ZNF429: variants seen among roughly 807,000 people sequenced by gnomAD.
ZNF429 encodes the protein zinc finger protein 429.
ZNF429 carries 53 observed loss-of-function variants against 56.8 expected under a neutral mutation model. That is an observed-to-expected ratio of 0.93 (90% CI 0.75 to 1.17). The LOEUF (loss-of-function observed/expected upper bound fraction) is 1.17. Among genes scored for constraint, ZNF429 ranks in the 50% most tolerant of loss-of-function variants. The pLI is 0.00. For synonymous variants in ZNF429, 278 were observed against 264.7 expected (o/e 1.05, Z -0.49); for missense variants, 849 against 788.4 (o/e 1.08, Z -0.92).
intron 1 of ZNF429, among the ~76,000 whole-genome samples, chr19:21,520,737 C>T (rs1015205454): frequency 6.6e-6 from 1 of 152,106 alleles, no homozygotes; most frequent in African/African-American, 2.4e-5. Flanking sequence ...CTGATATTTG[C>T]AGTCCAAAGT....
At chr19:21,523,280 CAG>C (rs1193567305) in intron 1 of ZNF429, among the ~76,000 whole-genome samples, 4 of 152,160 alleles carry the variant, frequency 2.6e-5, no homozygotes, top group Admixed American at 6.5e-5. Context: ...ATTTGGAAAA[CAG>C]AAAATCTTTT....
chr19:21,535,123 G>A, intron 3 of ZNF429, among the ~76,000 whole-genome samples: 2,425 of 151,048 alleles, frequency 0.016, 74 homozygotes, highest in African/African-American at 0.055. Context: ...CACCGCGCCC[G>A]GCCTTGTTTT....
chr19:21,522,792 A>C (rs2033029512), intron 1 of ZNF429, among the ~76,000 whole-genome samples: 1 of 152,050 alleles, frequency 6.6e-6, no homozygotes, highest in Non-Finnish European at 1.5e-5. Context: ...AGCTACTTGG[A>C]GGCCGAGACA....
rs748519982 is a variant in ZNF429 at position 21,529,776 on chromosome 19, T to C, written c.122T>C (p.Val41Ala). Residue 41 changes from valine (V) to alanine (A), a missense_variant, in exon 2 of 4, where the codon GTC becomes GCC. Physicochemically the swap from Val to Ala is moderately conservative, Grantham distance 64 (BLOSUM62 0). Transcript: ENST00000358491. The part of the protein sequence containing the change: ...NVMLENYRNL[V>A]FLGIAVSKPD... ...ATGTTAGAGAACTACAGAAACTTGG[T>C]CTTCCTGGGTGAGAATAACTTCAAT... The C allele has an allele frequency of 1.3e-6, 2 of 1,579,542 alleles. No homozygotes were observed. Among genetic ancestry groups the C allele is most frequent in the Admixed American group, 1.8e-5 (1 of 56,094 alleles).
rs1295873262 is a variant in ZNF429, at chr19:21,536,727, GTGAGAAACACTACAGA to G, written c.677_692del (p.Glu226ValfsTer75). ...ACTAACCATAAGAGAATTTATGTTG[GTGAGAAACACTACAGA>G]TGTGAAGAATGTGGCAAAGCATTTA... On this transcript the variant is annotated frameshift_variant, in exon 4 of 4. Coordinates refer to ENST00000358491, the MANE Select transcript of ZNF429 (RefSeq NM_001001415.4). LOFTEE classifies it high-confidence loss of function. 4 of 1,613,710 alleles carry G rather than the reference GTGAGAAACACTACAGA, an allele frequency of 2.5e-6. No individual in the cohort carries two copies. In the African/African-American group the frequency reaches 5.3e-5, roughly 22 times the overall value.
In ZNF429 at chr19:21,505,636, T is replaced by G; in HGVS notation, c.-136T>G. 2.3e-6 allele frequency: 2 copies of G among 869,436 alleles called. No homozygotes were observed. The highest frequency in any genetic ancestry group is 1.7e-5 in the African/African-American group (1 of 57,652). 53.9% of individuals were successfully genotyped at this position (869,436 alleles called of 1,614,324 possible). On this transcript the variant is annotated 5_prime_UTR_variant, in exon 1 of 4. Transcript: ENST00000358491. ...GGAATATGGCGGGGCGTTTGGCTCTTGCTGCAGCCAGAGCTCCAGGTCTCG... is the reference window on the plus strand; with the variant it reads ...GGAATATGGCGGGGCGTTTGGCTCTGGCTGCAGCCAGAGCTCCAGGTCTCG...
rs192742257 is a variant in ZNF429 at position 21,537,982 on chromosome 19, T to C, written c.1929T>C (p.His643=). The part of the protein sequence containing the change: ...SSRLTQHKKI[H]RMGVVAHACN... ...GACTTACTCAACATAAGAAAATTCA[T>C]AGGATGGGTGTGGTGGCTCATGCCT... The change falls in exon 4 of 4, where the codon CAT becomes CAC. Residue 643 remains histidine (H), a synonymous_variant. Transcript: ENST00000358491. 386 of 1,613,800 alleles carry C rather than the reference T, an allele frequency of 2.4e-4. 1 individual carries two copies. Among genetic ancestry groups the C allele is most frequent in the Non-Finnish European group, 3.0e-4 (356 of 1,179,980 alleles).
At chr19:21,506,138 G>T in intron 1 of ZNF429, 1 of 165,582 alleles carries the variant, frequency 6.0e-6, no homozygotes, top group Non-Finnish European at 1.3e-5. Context: ...GGTCCGTGGG[G>T]TTCCCAGTTC....
Position 21,537,869 on chromosome 19 carries a change from T to C in ZNF429, c.1816T>C (p.Ser606Pro). ...EECGKAFNRS[S>P]RLTQHKKIHT... ...ATGTGGCAAAGCTTTTAATCGGTCC[T>C]CAAGACTTACTCAACATAAGAAAAT... is the stretch of plus-strand genomic sequence containing the variant. The change falls in exon 4 of 4, where the codon TCA (serine) becomes CCA (proline). Residue 606 changes from serine to proline, a missense_variant. Transcript: ENST00000358491. 2.5e-6 allele frequency: 4 copies of C among 1,614,026 alleles called. No homozygotes were observed. The highest frequency in any genetic ancestry group is 3.4e-6 in the Non-Finnish European group (4 of 1,179,974).
Position 21,537,264 on chromosome 19 carries a change from G to T in ZNF429, c.1211G>T (p.Arg404Ile). ...CCCTACAAATTTGAAAAATGTGGCA[G>T]AGTTTTTACCTGTTCCTCAACACTT... ...EEPYKFEKCG[R>I]VFTCSSTLTQ... is the part of the protein sequence containing the mutation. Residue 404 changes from arginine to isoleucine, a missense_variant, in exon 4 of 4, where the codon AGA becomes ATA. Transcript: ENST00000358491. 6.2e-7 allele frequency: 1 copy of T among 1,610,210 alleles called. No homozygotes were observed. The highest frequency in any genetic ancestry group is 8.5e-7 in the Non-Finnish European group (1 of 1,179,020).
chr19:21,535,157 T>C, intron 3 of ZNF429, among the ~76,000 whole-genome samples: 1 of 142,982 alleles, frequency 7.0e-6, no homozygotes, highest in Non-Finnish European at 1.6e-5. Flanking sequence ...AGTGTATTCA[T>C]GTATCATCCT....
chr19:21,535,410 T>A lies in ZNF429; in HGVS notation c.227-870T>A. On this transcript the variant is annotated intron_variant, in intron 3 of 3. Transcript: ENST00000358491. ...CTTTCTTTCTTTCTTTCTTTCTTTTTCTTTTCTTTCTTTCTTTCTTTCTTT... is the reference window on the plus strand; with the variant it reads ...CTTTCTTTCTTTCTTTCTTTCTTTTACTTTTCTTTCTTTCTTTCTTTCTTT... 1.4e-3 allele frequency among the ~76,000 whole-genome samples: 129 copies of A among 90,870 alleles called. 17 individuals carry two copies. Among genetic ancestry groups the A allele is most frequent in the African/African-American group, 5.5e-3 (91 of 16,496 alleles). 59.6% of individuals were successfully genotyped at this position (90,870 alleles called of 152,430 possible).
At chr19:21,523,409 C>T (rs983024840) in intron 1 of ZNF429, among the ~76,000 whole-genome samples, 39 of 152,172 alleles carry the variant, frequency 2.6e-4, no homozygotes, top group Admixed American at 2.2e-3. Context: ...TTGTCAAACT[C>T]GGAGAGACAT....
At chr19:21,526,355 A>G (rs2173724) in intron 1 of ZNF429, among the ~76,000 whole-genome samples, 28,236 of 151,900 alleles carry the variant, frequency 0.19, 2,639 homozygotes, top group Middle Eastern at 0.22. Flanking sequence ...AAAGTCCCCA[A>G]AGTCCATTGT....
chr19:21,531,440 A>G, intron 3 of ZNF429, among the ~76,000 whole-genome samples: 1 of 152,162 alleles, frequency 6.6e-6, no homozygotes, highest in East Asian at 1.9e-4. Context: ...GCAAAACTGT[A>G]TTGTACCCAT....
rs371349913 is a variant in ZNF429 at position 21,537,297 on chromosome 19, A to C, written c.1244A>C (p.Asp415Ala). 52 of 1,614,134 alleles carry C rather than the reference A, an allele frequency of 3.2e-5. No homozygotes were observed. In the African/African-American group the frequency reaches 6.5e-4, roughly 20 times the overall value. Residue 415 changes from aspartate to alanine, a missense_variant, in exon 4 of 4, where the codon GAC becomes GCC. Coordinates refer to ENST00000358491, the MANE Select transcript of ZNF429 (RefSeq NM_001001415.4). ...VFTCSSTLTQ[D>A]KKIHTGEKPY... The stretch of plus-strand genomic sequence containing the variant: ...ACCTGTTCCTCAACACTTACTCAAG[A>C]CAAGAAAATTCATACTGGAGAGAAA...
Position 21,537,200 on chromosome 19 carries a change from A to G in ZNF429, c.1147A>G (p.Arg383Gly), listed in dbSNP as rs1395756276. The change falls in exon 4 of 4, where the codon AGA (arginine) becomes GGA (glycine). Residue 383 changes from arginine to glycine, a missense_variant. Arg to Gly is a moderately radical substitution (Grantham distance 125). Coordinates refer to ENST00000358491, the MANE Select transcript of ZNF429 (RefSeq NM_001001415.4). Reference protein sequence around the residue: ...ECGKAFNQSSRLTRHKKIHTG... With the variant: ...ECGKAFNQSSGLTRHKKIHTG... ...TGGCAAAGCTTTTAACCAGTCTTCA[A>G]GACTTACTCGACATAAAAAAATTCA... 2 of 1,613,896 alleles carry G rather than the reference A, an allele frequency of 1.2e-6. No individual in the cohort carries two copies. Among genetic ancestry groups the G allele is most frequent in the Non-Finnish European group, 1.7e-6 (2 of 1,179,910 alleles).
At chr19:21,519,495 A>G (rs576499992) in intron 1 of ZNF429, among the ~76,000 whole-genome samples, 13 of 152,294 alleles carry the variant, frequency 8.5e-5, no homozygotes, top group Admixed American at 6.6e-4. Context: ...TAAGAGTCAT[A>G]TGTAAGTCTG....
Position 21,537,086 on chromosome 19 carries a change from G to A in ZNF429, c.1033G>A (p.Glu345Lys), listed in dbSNP as rs1209757694. The A allele has an allele frequency of 4.3e-6, 7 of 1,613,724 alleles. No homozygotes were observed. In the Admixed American group the frequency reaches 5.0e-5, roughly 12 times the overall value. ...TGGTGAGAAACCCTACAAATGTGAA[G>A]AATGTGGCAAAGCCTTTAACTGGTC... is the stretch of plus-strand genomic sequence containing the variant. Reference protein sequence around the residue: ...HTGEKPYKCEECGKAFNWSST... With the variant: ...HTGEKPYKCEKCGKAFNWSST... The change falls in exon 4 of 4, where the codon GAA becomes AAA. Residue 345 changes from glutamate (E) to lysine (K), a missense_variant. Transcript: ENST00000358491.
Sources: allele counts gnomAD v4.1 joint callset (sites outside exome capture counted in the v4.1 genomes callset), GRCh38; gene constraint gnomAD v4.1.1; transcripts MANE v1.5; gene names NCBI Gene and HGNC (gene_info 2026-07-23, HGNC 2026-07-21).